The following BAIAP2L1 variants were observed in gnomAD, a reference collection of about 807,000 sequenced individuals.
The protein encoded by BAIAP2L1 is BAR/IMD domain containing adaptor protein 2 like 1.
Under a neutral mutation model 66.3 loss-of-function variants are expected in BAIAP2L1, and 35 were observed. The ratio of observed to expected loss-of-function variants is 0.53; its 90% CI spans 0.40 to 0.70. The LOEUF is 0.70. Ranked by LOEUF, BAIAP2L1 falls within the 30% of genes least tolerant of loss-of-function variation. BAIAP2L1 has a pLI of 0.00. For synonymous variants in BAIAP2L1, 269 were observed against 248.7 expected, an observed-to-expected ratio of 1.08 and a Z score of -0.77; for missense variants, 622 against 656.9, an observed-to-expected ratio of 0.95 and a Z score of 0.58.
chr7:98,351,324 T>C (rs1801994919), intron 3 of BAIAP2L1, among the ~76,000 whole-genome samples: 1 of 152,230 alleles, frequency 6.6e-6, no homozygotes, highest in South Asian at 2.1e-4. Flanking sequence ...CTGAAAGTTG[T>C]TGAAAACAGA....
rs543257182 is a variant in BAIAP2L1, at chr7:98,400,822, G to A, written c.31C>T (p.Leu11Phe). Reference protein sequence around the residue: MSRGPEEVNRLTESTYRNVME... With the variant: MSRGPEEVNRFTESTYRNVME... ...CTTACCCGGTAGGTGCTCTCCGTGAGCCGGTTCACCTCCTCGGGCCCCCGG... is the reference window on the plus strand; with the variant it reads ...CTTACCCGGTAGGTGCTCTCCGTGAACCGGTTCACCTCCTCGGGCCCCCGG... The change falls in exon 1 of 14, where the codon CTC (leucine) becomes TTC (phenylalanine). Residue 11 changes from leucine (L) to phenylalanine (F), a missense_variant. Coordinates refer to ENST00000005260, the MANE Select transcript of BAIAP2L1 (RefSeq NM_018842.5). 6 of 1,548,004 alleles carry A rather than the reference G, an allele frequency of 3.9e-6. No individual in the cohort carries two copies. Among genetic ancestry groups the A allele is most frequent in the African/African-American group, 1.4e-5 (1 of 72,576 alleles).
At chr7:98,395,868 C>G (rs956128697) in intron 1 of BAIAP2L1, among the ~76,000 whole-genome samples, 16 of 151,864 alleles carry the variant, frequency 1.1e-4, no homozygotes, top group Admixed American at 1.3e-4. Context: ...CCATCTCTAC[C>G]AAAAATAAAA....
At chr7:98,357,722 G>A (rs997608036) in intron 2 of BAIAP2L1, among the ~76,000 whole-genome samples, 2 of 151,952 alleles carry the variant, frequency 1.3e-5, no homozygotes, top group Non-Finnish European at 2.9e-5. Context: ...AAGAACAATA[G>A]CAATTAGCAT....
At chr7:98,337,665 C>T (rs1466718034) in intron 3 of BAIAP2L1, among the ~76,000 whole-genome samples, 1 of 152,234 alleles carries the variant, frequency 6.6e-6, no homozygotes, top group African/African-American at 2.4e-5. Flanking sequence ...CGCCTGTAAT[C>T]CCAGCACTTT....
intron 10 of BAIAP2L1, chr7:98,307,034 T>C (rs536387039): frequency 3.8e-5 from 6 of 159,992 alleles, no homozygotes; most frequent in East Asian, 1.8e-4. Flanking sequence ...ATTAAGAGGA[T>C]TGCATTCAAA....
intron 1 of BAIAP2L1, among the ~76,000 whole-genome samples, chr7:98,389,580 G>A (rs183245937): frequency 4.6e-4 from 70 of 152,070 alleles, no homozygotes; most frequent in Non-Finnish European, 9.1e-4. Context: ...GTCAGCCTCC[G>A]AAACTGCTGG....
chr7:98,397,711 G>A (rs1387166231), intron 1 of BAIAP2L1, among the ~76,000 whole-genome samples: 1 of 152,088 alleles, frequency 6.6e-6, no homozygotes, highest in Admixed American at 6.6e-5. Flanking sequence ...TCTACCATGA[G>A]AGCATATACT....
chr7:98,332,808 C>CCAA (rs1801529149), intron 3 of BAIAP2L1, among the ~76,000 whole-genome samples: 1 of 61,918 alleles, frequency 1.6e-5, no homozygotes, highest in Non-Finnish European at 4.6e-5. Context: ...GACTTCGTCC[C>CCAA]CAAAAAAAAA....
intron 1 of BAIAP2L1, among the ~76,000 whole-genome samples, chr7:98,388,972 T>TTAA (rs1802959225): frequency 9.0e-6 from 1 of 110,514 alleles, no homozygotes; most frequent in Non-Finnish European, 2.2e-5. Context: ...CCTAAGAAAT[T>TTAA]AAAAAAAAAA....
At chr7:98,364,676 C>T (rs1290584654) in intron 1 of BAIAP2L1, among the ~76,000 whole-genome samples, 1 of 151,976 alleles carries the variant, frequency 6.6e-6, no homozygotes, top group African/African-American at 2.4e-5. Context: ...AACTATTTTC[C>T]TTAGAATTTT....
At chr7:98,389,252 T>C (rs1383521254) in intron 1 of BAIAP2L1, among the ~76,000 whole-genome samples, 1 of 152,150 alleles carries the variant, frequency 6.6e-6, no homozygotes, top group Non-Finnish European at 1.5e-5. Flanking sequence ...TAGCTGGTGG[T>C]TGGATCTGTC....
In BAIAP2L1 at chr7:98,292,447, TC is replaced by T. The variant is rs11345007; in HGVS notation, c.*1073del. On this transcript the variant is annotated 3_prime_UTR_variant, in exon 14 of 14. Coordinates refer to ENST00000005260, the MANE Select transcript of BAIAP2L1 (RefSeq NM_018842.5). ...CCTCGGCCTCACAAAATGCTGGGAT[TC>T]CCGTACCTGGGCCGGGCTGGGAATT... The T allele has an allele frequency of 0.11, 62,845 of 595,860 alleles. 4,438 individuals are homozygous for T. Among genetic ancestry groups the T allele is most frequent in the South Asian group, 0.24 (11,139 of 46,306 alleles). The allele number at this position is 595,860 out of a possible 1,614,324, so 36.9% of individuals were successfully genotyped here.
At chr7:98,374,643 T>G (rs952335139) in intron 1 of BAIAP2L1, among the ~76,000 whole-genome samples, 2 of 152,192 alleles carry the variant, frequency 1.3e-5, no homozygotes, top group Non-Finnish European at 2.9e-5. Context: ...TTTTTTCTTT[T>G]TAGAAGCTTT....
intron 5 of BAIAP2L1, among the ~76,000 whole-genome samples, chr7:98,317,954 C>T (rs953336133): frequency 1.3e-5 from 2 of 151,730 alleles, no homozygotes; most frequent in Admixed American, 6.6e-5. Flanking sequence ...GGGGCCCTCA[C>T]TCATTTCACA....
rs192761564 is a variant in BAIAP2L1 at position 98,295,676 on chromosome 7, G to A, written c.1423-1565C>T. Reference sequence around the variant, plus strand: ...CCCACTGGAGTCATCTGACTCCTTGGGGCCAACACCATCTCCCTCACATGT... The same window carrying A: ...CCCACTGGAGTCATCTGACTCCTTGAGGCCAACACCATCTCCCTCACATGT... On this transcript the variant is annotated intron_variant, in intron 12 of 13. Transcript: ENST00000005260. 2.8e-3 allele frequency among the ~76,000 whole-genome samples: 422 copies of A among 152,072 alleles called. 2 individuals are homozygous for A. The highest frequency in any genetic ancestry group is 6.8e-3 in the Middle Eastern group (2 of 294).
At chr7:98,394,690 A>C (rs1803158198) in intron 1 of BAIAP2L1, among the ~76,000 whole-genome samples, 1 of 152,174 alleles carries the variant, frequency 6.6e-6, no homozygotes, top group Admixed American at 6.6e-5. Context: ...CTAAAGCAAA[A>C]TATTTGAATG....
rs1192095860 is a variant in BAIAP2L1, at chr7:98,311,373, T to G, written c.807+724A>C. ...CCTGGCTAACATGGTGAAACCCGGT[T>G]TCCACTAAAAATACAAAAAAATTAG... On this transcript the variant is annotated intron_variant, in intron 8 of 13. Coordinates refer to ENST00000005260, the MANE Select transcript of BAIAP2L1 (RefSeq NM_018842.5). Among the ~76,000 whole-genome samples, 4 of 147,268 alleles carry G rather than the reference T, an allele frequency of 2.7e-5. No homozygotes were observed. In the East Asian group the frequency reaches 8.4e-4, roughly 31 times the overall value.
intron 1 of BAIAP2L1, among the ~76,000 whole-genome samples, chr7:98,362,703 T>C (rs1802299797): frequency 6.6e-6 from 1 of 152,322 alleles, no homozygotes; most frequent in East Asian, 1.9e-4. Flanking sequence ...GCAGCAGTCA[T>C]TCATGTCTCT....
chr7:98,388,977 A>AAAC (rs1802960284), intron 1 of BAIAP2L1, among the ~76,000 whole-genome samples: 1 of 123,546 alleles, frequency 8.1e-6, no homozygotes, highest in African/African-American at 2.6e-5. Context: ...GAAATTAAAA[A>AAAC]AAAAAAACAA....
Sources: allele counts gnomAD v4.1 joint callset (sites outside exome capture counted in the v4.1 genomes callset), GRCh38; gene constraint gnomAD v4.1.1; transcripts MANE v1.5; gene names NCBI Gene and HGNC (gene_info 2026-07-23, HGNC 2026-07-21).